Variants in DDX19A observed in about 807,000 individuals in gnomAD.
DDX19A encodes DEAD-box helicase 19A.
DDX19A carries 12 observed loss-of-function variants against 60.6 expected under a neutral mutation model. That is an observed-to-expected ratio of 0.20 (90% CI 0.13 to 0.32). The LOEUF is 0.32. Among genes scored for constraint, DDX19A ranks in the 10% least tolerant of loss-of-function variants. DDX19A has a pLI of 1.00. For synonymous variants in DDX19A, 206 were observed against 218.2 expected, an observed-to-expected ratio of 0.94 and a Z score of 0.49; for missense variants, 337 against 600.6, an observed-to-expected ratio of 0.56 and a Z score of 4.59.
At chr16:70,358,921 CT>C (rs1421898594) in intron 4 of DDX19A, among the ~76,000 whole-genome samples, 1 of 152,166 alleles carries the variant, frequency 6.6e-6, no homozygotes, top group Non-Finnish European at 1.5e-5. Context: ...GTCATCTCCA[CT>C]TTTATTTTTA....
chr16:70,355,112 C>T (rs1053070126), intron 2 of DDX19A, among the ~76,000 whole-genome samples: 4 of 152,196 alleles, frequency 2.6e-5, no homozygotes, highest in Non-Finnish European at 5.9e-5. Context: ...GTGGCTCACG[C>T]CTGTAATCCC....
At chr16:70,364,793 G>C in intron 6 of DDX19A, 148 bp downstream of exon 6, 5 of 693,174 alleles carry the variant, frequency 7.2e-6, no homozygotes, top group Non-Finnish European at 1.2e-5. Context: ...CCTGACCTGG[G>C]AGAATGTGCT....
At chr16:70,351,444 C>T (rs1372219848) in intron 2 of DDX19A, among the ~76,000 whole-genome samples, 5 of 150,946 alleles carry the variant, frequency 3.3e-5, no homozygotes, top group Admixed American at 2.0e-4. Flanking sequence ...TGAGCTCAAG[C>T]GATCTGCCTG....
chr16:70,360,047 G>A (rs1213202338), intron 4 of DDX19A, among the ~76,000 whole-genome samples: 1 of 151,838 alleles, frequency 6.6e-6, no homozygotes, highest in Non-Finnish European at 1.5e-5. Flanking sequence ...TTGGGAGGCC[G>A]AGGCAGGTGG....
At chr16:70,366,908 G>A in intron 9 of DDX19A, 47 bp downstream of exon 9, 1 of 1,608,422 alleles carries the variant, frequency 6.2e-7, no homozygotes, top group Non-Finnish European at 8.5e-7. Flanking sequence ...CTCTCAGCCA[G>A]CTCCCCACAG....
At chr16:70,368,839 C>T (rs1224884043) in intron 9 of DDX19A, among the ~76,000 whole-genome samples, 1 of 152,126 alleles carries the variant, frequency 6.6e-6, no homozygotes, top group Non-Finnish European at 1.5e-5. Flanking sequence ...TATTGCCTCT[C>T]ATTACAATGA....
chr16:70,349,142 A>C (rs1009555814), intron 1 of DDX19A, among the ~76,000 whole-genome samples: 1 of 152,192 alleles, frequency 6.6e-6, no homozygotes, highest in Non-Finnish European at 1.5e-5. Context: ...AAGCAAAATT[A>C]GTGGAGGAAA....
chr16:70,352,858 G>A (rs939380613), intron 2 of DDX19A, among the ~76,000 whole-genome samples: 4 of 150,470 alleles, frequency 2.7e-5, no homozygotes, highest in African/African-American at 9.8e-5. Flanking sequence ...GGCTGGTCTC[G>A]AACTCCTGAC....
chr16:70,367,620 G>A (rs1321766998), intron 9 of DDX19A, among the ~76,000 whole-genome samples: 6 of 152,228 alleles, frequency 3.9e-5, no homozygotes, highest in Admixed American at 2.0e-4. Context: ...GCTCATGCCT[G>A]TAATCCCAGC....
intron 2 of DDX19A, among the ~76,000 whole-genome samples, chr16:70,351,327 T>A (rs1964010445): frequency 6.6e-6 from 1 of 151,914 alleles, no homozygotes; most frequent in African/African-American, 2.4e-5. Context: ...CACCTCAGCC[T>A]CCCAGGTAGC....
chr16:70,364,353 T>C (rs144971879), intron 5 of DDX19A, 190 bp from the exon 6 acceptor site: 7 of 577,576 alleles, frequency 1.2e-5, no homozygotes, highest in African/African-American at 5.6e-5. Flanking sequence ...TAATCATTTA[T>C]TTTACAATTT....
rs777969768 is a variant in DDX19A at position 70,366,606 on chromosome 16, C to T, written c.783-18C>T. On this transcript the variant is annotated intron_variant, in intron 8 of 11. Coordinates refer to ENST00000302243, the MANE Select transcript of DDX19A (RefSeq NM_018332.5). ...CCCAGGGCCACCTGGGGCCATCTAC[C>T]CGGGCCTTCCCTTGCAGGATGCTGC... The T allele has an allele frequency of 1.2e-6, 2 of 1,613,972 alleles. No homozygotes were observed. Among genetic ancestry groups the T allele is most frequent in the African/African-American group, 2.7e-5 (2 of 74,940 alleles).
intron 1 of DDX19A, among the ~76,000 whole-genome samples, chr16:70,349,763 T>G (rs191261320): frequency 2.6e-5 from 4 of 152,346 alleles, no homozygotes; most frequent in African/African-American, 9.6e-5. Context: ...TTTCAAACCT[T>G]GTGAAATCTG....
chr16:70,371,833 C>G, intron 11 of DDX19A, 92 bp from the exon 12 acceptor site: 1 of 1,598,212 alleles, frequency 6.3e-7, no homozygotes, highest in Middle Eastern at 1.7e-4. Flanking sequence ...TGCTTAGGCA[C>G]CCGGAGCCTT....
At position 70,355,525 on chromosome 16, in the gene DDX19A, AGAG is replaced by A; in HGVS notation, c.151_153del (p.Glu51del). The A allele has an allele frequency of 6.2e-7, 1 of 1,613,956 alleles. No homozygotes were observed. Among genetic ancestry groups the A allele is most frequent in the Non-Finnish European group, 8.5e-7 (1 of 1,179,812 alleles). Reference sequence around the variant, plus strand: ...GTACCACTGCCGAGAAAACAGATGAAGAGGAGAAAGGTAACTACTTTTGGATGC... The same window carrying A: ...GTACCACTGCCGAGAAAACAGATGAAGAGAAAGGTAACTACTTTTGGATGC... On this transcript the variant is annotated inframe_deletion, in exon 3 of 12. Coordinates refer to ENST00000302243, the MANE Select transcript of DDX19A (RefSeq NM_018332.5).
intron 5 of DDX19A, chr16:70,364,051 A>G (rs1035861436): frequency 6.5e-6 from 1 of 153,166 alleles, no homozygotes; most frequent in African/African-American, 2.4e-5. Context: ...AATGACAACC[A>G]TGCCACCTAT....
chr16:70,356,963 AAAAG>A, intron 4 of DDX19A: 2 of 1,036,730 alleles, frequency 1.9e-6, no homozygotes, highest in South Asian at 1.5e-5. Flanking sequence ...AAAAAAAAAA[AAAAG>A]GCCAGGCACA....
At chr16:70,370,425 G>C (rs761518117) in intron 10 of DDX19A, 40 bp downstream of exon 10, 36 of 1,595,294 alleles carry the variant, frequency 2.3e-5, no homozygotes, top group Non-Finnish European at 3.1e-5. Context: ...GCCAGGCTCG[G>C]GGTCCCAGGC....
rs1420346246 is a variant in DDX19A at position 70,372,062 on chromosome 16, C to G, written c.*76C>G. 1 of 1,607,170 alleles carries G rather than the reference C, an allele frequency of 6.2e-7. No individual in the cohort carries two copies. The highest frequency in any genetic ancestry group is 8.5e-7 in the Non-Finnish European group (1 of 1,174,008). On this transcript the variant is annotated 3_prime_UTR_variant, in exon 12 of 12. Transcript: ENST00000302243. ...GACAAGTGCATTTAGGGCACAGGCC[C>G]CGACATCACCCCAAGGACAACGGCA...
Sources: allele counts gnomAD v4.1 joint callset (sites outside exome capture counted in the v4.1 genomes callset), GRCh38; gene constraint gnomAD v4.1.1; transcripts MANE v1.5; gene names NCBI Gene and HGNC (gene_info 2026-07-23, HGNC 2026-07-21).